The following SPIDR variants were observed in gnomAD, a reference collection of about 807,000 sequenced individuals.
SPIDR encodes DNA repair-scaffolding protein.
SPIDR carries 93 observed loss-of-function variants against 104.6 expected under a neutral mutation model. The observed-to-expected ratio is 0.89, with a 90% confidence interval of 0.75 to 1.06. SPIDR has a LOEUF of 1.06. Ranked by LOEUF, SPIDR falls within the 50% of genes least tolerant of loss-of-function variation. SPIDR has a pLI of 0.00. For missense variants in SPIDR, 1,154 were observed against 1,111.2 expected (o/e 1.04, Z -0.55); for synonymous variants, 431 against 416.9 (o/e 1.03, Z -0.41).
At chr8:47,495,723 A>T (rs940561305) in intron 8 of SPIDR, among the ~76,000 whole-genome samples, 16 of 152,158 alleles carry the variant, frequency 1.1e-4, no homozygotes, top group Non-Finnish European at 1.2e-4. Flanking sequence ...TGTATGATGT[A>T]AAAAGGGGTT....
intron 16 of SPIDR, among the ~76,000 whole-genome samples, chr8:47,717,896 C>T (rs1438335142): frequency 6.6e-6 from 1 of 152,170 alleles, no homozygotes; most frequent in African/African-American, 2.4e-5. Context: ...CACAAGATGC[C>T]ATTCCTAACA....
intron 8 of SPIDR, among the ~76,000 whole-genome samples, chr8:47,448,869 G>A (rs1554703848): frequency 6.6e-6 from 1 of 152,174 alleles, no homozygotes; most frequent in Admixed American, 6.5e-5. Flanking sequence ...AGTGTAAGAC[G>A]TATGCAGGGG....
chr8:47,385,707 T>C (rs2059819735), intron 5 of SPIDR, among the ~76,000 whole-genome samples: 1 of 152,220 alleles, frequency 6.6e-6, no homozygotes, highest in African/African-American at 2.4e-5. Context: ...ATTTTTTCCA[T>C]TGGGTTGGCT....
chr8:47,681,301 A>G (rs2077068772), intron 11 of SPIDR, among the ~76,000 whole-genome samples: 1 of 152,158 alleles, frequency 6.6e-6, no homozygotes, highest in African/African-American at 2.4e-5. Context: ...TTTTGGGCCA[A>G]TATTTAACTA....
chr8:47,264,133 A>G (rs1189286182), intron 1 of SPIDR, among the ~76,000 whole-genome samples: 2 of 152,208 alleles, frequency 1.3e-5, no homozygotes, highest in Non-Finnish European at 2.9e-5. Flanking sequence ...GCAGTTTTGG[A>G]CAAGCCACAC....
chr8:47,419,461 G>T (rs1188358327), intron 7 of SPIDR, among the ~76,000 whole-genome samples: 1 of 152,136 alleles, frequency 6.6e-6, no homozygotes. Flanking sequence ...GATCGGTGGT[G>T]ATATCCCCTT....
Position 47,640,552 on chromosome 8 carries a change from G to T in SPIDR, c.1545-33249G>T, listed in dbSNP as rs150551442. Among the ~76,000 whole-genome samples the T allele has an allele frequency of 1.9e-3, 285 of 152,220 alleles. 1 individual carries two copies. The highest frequency in any genetic ancestry group is 6.2e-3 in the African/African-American group (257 of 41,526). ...AAAATGTTTTGTCCTTTAACTTAAT[G>T]TTCTATCTTTCTAAAAGAATTCAAA... On this transcript the variant is annotated intron_variant, in intron 10 of 19. Transcript: ENST00000297423.
intron 8 of SPIDR, among the ~76,000 whole-genome samples, chr8:47,520,088 A>G (rs1020007258): frequency 6.6e-6 from 1 of 152,222 alleles, no homozygotes; most frequent in Non-Finnish European, 1.5e-5. Context: ...ACTATAGATA[A>G]TATAGTTGTA....
intron 10 of SPIDR, among the ~76,000 whole-genome samples, chr8:47,608,102 G>T (rs190132696): frequency 6.6e-6 from 1 of 152,254 alleles, no homozygotes; most frequent in Non-Finnish European, 1.5e-5. Context: ...CCAATTGACT[G>T]CCAATTCCCA....
At chr8:47,684,145 A>C (rs2077450520) in intron 11 of SPIDR, among the ~76,000 whole-genome samples, 2 of 151,496 alleles carry the variant, frequency 1.3e-5, no homozygotes, top group African/African-American at 4.8e-5. Context: ...AAAAAAAAAA[A>C]AAAAAACCTG....
intron 1 of SPIDR, among the ~76,000 whole-genome samples, chr8:47,275,032 G>C (rs1423166855): frequency 6.6e-6 from 1 of 151,554 alleles, no homozygotes; most frequent in Non-Finnish European, 1.5e-5. Flanking sequence ...GGCCGAGGCG[G>C]GTGGATCACG....
chr8:47,728,374 T>C (rs1184696237), intron 17 of SPIDR, among the ~76,000 whole-genome samples: 1 of 151,080 alleles, frequency 6.6e-6, no homozygotes, highest in Non-Finnish European at 1.5e-5. Context: ...GAGGTGGAGG[T>C]TGCAGTGAGC....
At chr8:47,452,544 A>G (rs1554706793) in intron 8 of SPIDR, among the ~76,000 whole-genome samples, 2 of 152,362 alleles carry the variant, frequency 1.3e-5, no homozygotes, top group African/African-American at 4.8e-5. Flanking sequence ...CCTGGGATGC[A>G]AGGCTGGTTC....
intron 4 of SPIDR, among the ~76,000 whole-genome samples, chr8:47,292,097 A>G (rs1341048707): frequency 1.3e-5 from 2 of 152,218 alleles, no homozygotes; most frequent in Admixed American, 6.5e-5. Flanking sequence ...AATCACCCCT[A>G]GTTGATAACC....
At chr8:47,409,920 C>T (rs949760679) in intron 7 of SPIDR, among the ~76,000 whole-genome samples, 5 of 152,014 alleles carry the variant, frequency 3.3e-5, no homozygotes, top group African/African-American at 1.2e-4. Context: ...CCTAACTACT[C>T]GAGAGGCTGA....
chr8:47,647,162 A>G (rs999051853), intron 10 of SPIDR, among the ~76,000 whole-genome samples: 2 of 152,216 alleles, frequency 1.3e-5, no homozygotes, highest in Non-Finnish European at 2.9e-5. Flanking sequence ...ACATTTATCC[A>G]TTCAACAAAT....
At chr8:47,655,691 T>A (rs2154459466) in intron 10 of SPIDR, among the ~76,000 whole-genome samples, 1 of 152,342 alleles carries the variant, frequency 6.6e-6, no homozygotes, top group African/African-American at 2.4e-5. Flanking sequence ...TTCACTGTGA[T>A]GGTAGTTTCT....
intron 10 of SPIDR, among the ~76,000 whole-genome samples, chr8:47,603,050 A>G (rs570250680): frequency 6.6e-6 from 1 of 152,302 alleles, no homozygotes; most frequent in South Asian, 2.1e-4. Context: ...GTGCTCCCTA[A>G]CCACAGGGTA....
Position 47,468,975 on chromosome 8 carries a change from G to A in SPIDR, c.1097+28433G>A, listed in dbSNP as rs187519180. Among the ~76,000 whole-genome samples, 187 of 152,030 alleles carry A rather than the reference G, an allele frequency of 1.2e-3. 1 individual carries two copies. Among genetic ancestry groups the A allele is most frequent in the Non-Finnish European group, 2.1e-3 (146 of 67,970 alleles). ...AGGTCTAATATCCAGCATTTATAAG[G>A]AACTTAAACATATTTACAAGGAAAA... On this transcript the variant is annotated intron_variant, in intron 8 of 19. Transcript: ENST00000297423.
Sources: allele counts gnomAD v4.1 joint callset (sites outside exome capture counted in the v4.1 genomes callset), GRCh38; gene constraint gnomAD v4.1.1; transcripts MANE v1.5; gene names NCBI Gene and HGNC (gene_info 2026-07-23, HGNC 2026-07-21).